ZNF540: variants seen among roughly 807,000 people sequenced by gnomAD.
The protein encoded by ZNF540 is zinc finger protein 540.
A neutral mutation model predicts 11.8 loss-of-function variants in ZNF540; 3 were observed. The ratio of observed to expected loss-of-function variants is 0.25; its 90% confidence interval spans 0.12 to 0.65. The LOEUF (loss-of-function observed/expected upper bound fraction) is 0.65, where lower values mean the gene tolerates loss of function less well. Among genes scored for constraint, ZNF540 ranks in the 30% least tolerant of loss-of-function variants. The probability of loss-of-function intolerance (pLI) is 0.83; values close to 1 mark genes in which losing one functional copy is unlikely to be tolerated. For missense variants in ZNF540, 709 were observed against 793.1 expected (o/e 0.89, Z 1.27); for synonymous variants, 247 against 259.0 (o/e 0.95, Z 0.45).
intron 1 of ZNF540, chr19:37,565,173 A>AG: frequency 6.2e-7 from 1 of 1,613,554 alleles, no homozygotes; most frequent in Non-Finnish European, 8.5e-7. Context: ...TTACATTTGT[A>AG]GGGCTTCTCT....
At chr19:37,568,452 G>T (rs1276802880) in intron 1 of ZNF540, among the ~76,000 whole-genome samples, 4 of 151,902 alleles carry the variant, frequency 2.6e-5, no homozygotes, top group African/African-American at 9.7e-5. Flanking sequence ...AACACTGAAA[G>T]AAATCAATGG....
intron 1 of ZNF540, chr19:37,564,173 C>G: frequency 6.5e-6 from 1 of 153,102 alleles, no homozygotes; most frequent in East Asian, 1.9e-4. Flanking sequence ...TTACTGTAAT[C>G]ATAAAATATT....
chr19:37,598,808 T>TA (rs11415367), intron 2 of ZNF540, among the ~76,000 whole-genome samples: 152,282 of 152,282 alleles, frequency 1, 76,141 homozygotes, highest in Non-Finnish European at 1. Flanking sequence ...TGTCTGTAGA[T>TA]AAATGCAGTT....
intron 4 of ZNF540, 71 bp from the exon 5 acceptor site, chr19:37,611,442 T>A: frequency 7.7e-7 from 1 of 1,294,238 alleles, no homozygotes; most frequent in Non-Finnish European, 1.1e-6. Context: ...TTTCCTATTT[T>A]GAAAATGTAA....
intron 1 of ZNF540, among the ~76,000 whole-genome samples, chr19:37,584,856 C>T (rs930092419): frequency 2.7e-5 from 4 of 150,506 alleles, no homozygotes; most frequent in Non-Finnish European, 4.4e-5. Context: ...CCCAGCTACT[C>T]GGGAGGCTGA....
At chr19:37,580,438 C>T (rs2043414389) in intron 1 of ZNF540, among the ~76,000 whole-genome samples, 1 of 152,234 alleles carries the variant, frequency 6.6e-6, no homozygotes, top group Non-Finnish European at 1.5e-5. Context: ...CTTTCCACAA[C>T]ATTTTCTTGA....
In ZNF540 at chr19:37,601,077, G is replaced by A. The variant is rs752727011; in HGVS notation, c.204G>A (p.Ala68=). The A allele has an allele frequency of 1.6e-5, 25 of 1,585,680 alleles. No individual in the cohort carries two copies. The highest frequency in any genetic ancestry group is 1.7e-4 in the Middle Eastern group (1 of 6,056). The change falls in exon 4 of 5, where the codon GCG becomes GCA. Residue 68 remains alanine (A), a synonymous_variant. Transcript: ENST00000316433. ...AAGGGAAAGAGCCCTGCGTGGTGGCGAGGGATGTGACAGGAAGACAGTGCC... is the reference window on the plus strand; with the variant it reads ...AAGGGAAAGAGCCCTGCGTGGTGGCAAGGGATGTGACAGGAAGACAGTGCC... The part of the protein sequence containing the change: ...LEQGKEPCVV[A]RDVTGRQCPG...
upstream of ZNF540, among the ~76,000 whole-genome samples, chr19:37,590,956 G>A (rs1242457000): frequency 2.6e-5 from 4 of 152,080 alleles, no homozygotes; most frequent in Non-Finnish European, 4.4e-5. Context: ...AATAAAGAAC[G>A]TAAATTATAT....
intron 2 of ZNF540, 34 bp from the exon 3 acceptor site, chr19:37,599,592 A>T: frequency 1.9e-6 from 3 of 1,613,120 alleles, no homozygotes; most frequent in Middle Eastern, 1.7e-4. Context: ...TTGTTCTGTA[A>T]TTTCACCAGT....
chr19:37,601,704 G>C (rs958109027), intron 4 of ZNF540, among the ~76,000 whole-genome samples: 3 of 152,236 alleles, frequency 2.0e-5, no homozygotes, highest in Non-Finnish European at 2.9e-5. Flanking sequence ...TCTTCGAAGA[G>C]AGAATATATG....
Position 37,613,113 on chromosome 19 carries a change from A to G in ZNF540, c.1833A>G (p.Gln611=). The change falls in exon 5 of 5, where the codon CAA becomes CAG. Residue 611 remains glutamine (Q), a synonymous_variant. Coordinates refer to ENST00000316433, the MANE Select transcript of ZNF540 (RefSeq NM_001172225.3). ...GTGAGAAACCCTATGAGTGTAAACA[A>G]TGTGGGAAGGCCTTTAGACTTAATT... ...HTGEKPYECK[Q]CGKAFRLNSH... 1.2e-6 allele frequency: 2 copies of G among 1,614,086 alleles called. No homozygotes were observed. The highest frequency in any genetic ancestry group is 1.7e-6 in the Non-Finnish European group (2 of 1,179,980).
chr19:37,594,375 C>G (rs1018065683), upstream of ZNF540: 1 of 152,368 alleles, frequency 6.6e-6, no homozygotes, highest in African/African-American at 2.4e-5. Context: ...CAAGCGCACA[C>G]GCACACGTCC....
At chr19:37,566,483 A>G in intron 1 of ZNF540, 1 of 606,680 alleles carries the variant, frequency 1.6e-6, no homozygotes, top group Non-Finnish European at 2.6e-6. Context: ...ATAGGAAAGA[A>G]GGTAATTAGA....
chr19:37,609,797 G>A lies in ZNF540; in HGVS notation c.233-1716G>A, dbSNP rs142871072. 3.9e-3 allele frequency among the ~76,000 whole-genome samples: 589 copies of A among 151,776 alleles called. 3 individuals are homozygous for A. Among genetic ancestry groups the A allele is most frequent in the Middle Eastern group, 0.01 (3 of 290 alleles). On this transcript the variant is annotated intron_variant, in intron 4 of 4. Transcript: ENST00000316433. ...TGGGAGGCAGAGGTTGCAGTGAGCC[G>A]AGATTGTGCCACTGCACTCCATCCT...
chr19:37,562,369 G>A (rs1235007438), intron 1 of ZNF540: 3 of 143,556 alleles, frequency 2.1e-5, no homozygotes, highest in Non-Finnish European at 4.8e-5. Flanking sequence ...CAACAAGAGC[G>A]AAACTCCGTT....
At position 37,612,800 on chromosome 19, in the gene ZNF540, G is replaced by C; in HGVS notation, c.1520G>C (p.Gly507Ala). 6.2e-7 allele frequency: 1 copy of C among 1,613,946 alleles called. No homozygotes were observed. The highest frequency in any genetic ancestry group is 2.2e-5 in the East Asian group (1 of 44,856). The change falls in exon 5 of 5, where the codon GGT (glycine) becomes GCT (alanine). Residue 507 changes from glycine to alanine, a missense_variant. By Grantham distance (60) the Gly-to-Ala change is moderately conservative (BLOSUM62 0). Transcript: ENST00000316433. ...CVRCGKTFRFGFYLTEHQRIH... is the reference protein window; with the variant it reads ...CVRCGKTFRFAFYLTEHQRIH... ...CGATGTGGGAAGACCTTTAGATTTG[G>C]TTTCTACCTTACTGAACACCAGAGA...
In ZNF540 at chr19:37,611,591, T is replaced by A. The variant is rs745556311; in HGVS notation, c.311T>A (p.Ile104Lys). The A allele has an allele frequency of 6.2e-7, 1 of 1,613,538 alleles. No individual in the cohort carries two copies. Among genetic ancestry groups the A allele is most frequent in the Admixed American group, 1.7e-5 (1 of 59,974 alleles). The part of the protein sequence containing the change: ...IHEISLSKES[I>K]IEKSKTLRLK... ...GAAATCAGTTTATCCAAAGAGAGTATAATAGAAAAAAGTAAAACTCTTCGT... is the reference window on the plus strand; with the variant it reads ...GAAATCAGTTTATCCAAAGAGAGTAAAATAGAAAAAAGTAAAACTCTTCGT... Residue 104 changes from isoleucine (I) to lysine (K), a missense_variant, in exon 5 of 5, where the codon ATA (isoleucine) becomes AAA (lysine). Ile to Lys is a moderately radical substitution (Grantham distance 102, BLOSUM62 -3). Coordinates refer to ENST00000316433, the MANE Select transcript of ZNF540 (RefSeq NM_001172225.3).
intron 1 of ZNF540, among the ~76,000 whole-genome samples, chr19:37,574,876 G>T (rs186141070): frequency 2.3e-4 from 35 of 152,216 alleles, no homozygotes; most frequent in Admixed American, 2.0e-3. Flanking sequence ...AGATCAACTG[G>T]CCACAGCCAT....
chr19:37,564,493 C>G, intron 1 of ZNF540: 1 of 1,074,292 alleles, frequency 9.3e-7, no homozygotes, highest in Non-Finnish European at 1.3e-6. Context: ...TAATGTAGGC[C>G]TTCTAAGAAT....
Sources: gnomAD v4.1 joint callset for allele counts (sites outside exome capture counted in the v4.1 genomes callset) on GRCh38, gnomAD v4.1.1 for gene constraint, MANE v1.5 for transcripts, NCBI Gene and HGNC (gene_info 2026-07-23, HGNC 2026-07-21) for gene names.